The following AFF2 variants were observed in gnomAD, a reference collection of about 807,000 sequenced individuals.
The protein encoded by AFF2 is ALF transcription elongation factor 2, also known as AF4/FMR2 family member 2.
AFF2 carries 14 observed loss-of-function variants against 76.9 expected under a neutral mutation model. The ratio of observed to expected loss-of-function variants is 0.18; its 90% CI spans 0.12 to 0.28. AFF2 has a LOEUF of 0.28. AFF2 is among the 10% of genes least tolerant of loss of function. The pLI, the probability that AFF2 is intolerant of heterozygous loss-of-function variation, is 1.00. For missense variants in AFF2, 868 were observed against 1,001.1 expected, an observed-to-expected ratio of 0.87 and a Z score of 1.79; for synonymous variants, 398 against 366.7, an observed-to-expected ratio of 1.09 and a Z score of -0.98.
chrX:148,605,588 T>G (rs1389368011), intron 1 of AFF2, among the ~76,000 whole-genome samples: 1 of 111,665 alleles, frequency 9.0e-6, no homozygotes, highest in Non-Finnish European at 1.9e-5. Flanking sequence ...AGTCCGGCAC[T>G]GGGGCCAGAA....
intron 1 of AFF2, among the ~76,000 whole-genome samples, chrX:148,519,099 G>A (rs1335375275): frequency 9.0e-6 from 1 of 111,339 alleles, no homozygotes; most frequent in Non-Finnish European, 1.9e-5. Context: ...GCCTCCTATT[G>A]TCATTTTAAT....
At chrX:148,882,376 A>T (rs1280667229) in intron 7 of AFF2, among the ~76,000 whole-genome samples, 4 of 111,901 alleles carry the variant, frequency 3.6e-5, no homozygotes, top group African/African-American at 6.5e-5. Flanking sequence ...TTTATAGATT[A>T]TTCTATGTCT....
At chrX:148,528,509 G>C (rs2052690642) in intron 1 of AFF2, among the ~76,000 whole-genome samples, 1 of 110,950 alleles carries the variant, frequency 9.0e-6, no homozygotes, top group Admixed American at 9.6e-5. Flanking sequence ...TTAGACCTTT[G>C]ACAAACTCCT....
At chrX:148,607,980 T>C (rs1364284555) in intron 1 of AFF2, among the ~76,000 whole-genome samples, 3 of 112,041 alleles carry the variant, frequency 2.7e-5, no homozygotes, top group Admixed American at 9.5e-5. Context: ...TACCTTGCCA[T>C]ATTCAGAACT....
intron 3 of AFF2, among the ~76,000 whole-genome samples, chrX:148,782,088 A>C (rs782709835): frequency 9.1e-6 from 1 of 110,074 alleles, no homozygotes; most frequent in Non-Finnish European, 1.9e-5. Flanking sequence ...TGCCTTCTGC[A>C]TTGGTCTCGC....
chrX:148,825,158 C>T (rs1256448982), intron 4 of AFF2, among the ~76,000 whole-genome samples: 1 of 111,633 alleles, frequency 9.0e-6, no homozygotes, highest in African/African-American at 3.3e-5. Flanking sequence ...TTTGTTCCTG[C>T]TACATGATTG....
intron 1 of AFF2, among the ~76,000 whole-genome samples, chrX:148,569,492 T>C (rs2053204871): frequency 9.0e-6 from 1 of 111,724 alleles, no homozygotes; most frequent in Non-Finnish European, 1.9e-5. Context: ...GTAAGAAATA[T>C]GCCATATTTT....
At position 148,662,492 on chromosome X, in the gene AFF2, T is replaced by G. The variant is rs2124469143; in HGVS notation, c.765T>G (p.Ala255=). Reference sequence around the variant, plus strand: ...AAGCGCCTGGGTCTCCCCTAGTGGCTTCCTCTTTATTAGCTCCTAGCAGTG... The same window carrying G: ...AAGCGCCTGGGTCTCCCCTAGTGGCGTCCTCTTTATTAGCTCCTAGCAGTG... ...AVQAPGSPLV[A]SSLLAPSSGL... is the part of the protein sequence containing the mutation. The change falls in exon 3 of 21, where the codon GCT becomes GCG. Residue 255 remains alanine (A), a synonymous_variant. Coordinates refer to ENST00000370460, the MANE Select transcript of AFF2 (RefSeq NM_002025.4). The G allele has an allele frequency of 8.3e-7, 1 of 1,212,048 alleles. No individual in the cohort carries two copies. Among genetic ancestry groups the G allele is most frequent in the East Asian group, 3.0e-5 (1 of 33,872 alleles).
intron 1 of AFF2, among the ~76,000 whole-genome samples, chrX:148,504,376 G>A (rs1161560231): frequency 8.9e-6 from 1 of 112,041 alleles, no homozygotes; most frequent in African/African-American, 3.2e-5. Flanking sequence ...GAAAACCACC[G>A]TGATAGCAAA....
At chrX:148,543,507 A>C (rs1338502088) in intron 1 of AFF2, among the ~76,000 whole-genome samples, 1 of 111,160 alleles carries the variant, frequency 9.0e-6, no homozygotes, top group Non-Finnish European at 1.9e-5. Flanking sequence ...CTGAAAAACA[A>C]AGTGACTTGC....
At chrX:148,933,820 G>A (rs1290302360) in intron 9 of AFF2, among the ~76,000 whole-genome samples, 1 of 111,909 alleles carries the variant, frequency 8.9e-6, no homozygotes, top group Non-Finnish European at 1.9e-5. Flanking sequence ...GTGGGAGAAT[G>A]TTAGCTGCTT....
intron 3 of AFF2, among the ~76,000 whole-genome samples, chrX:148,796,761 A>C (rs1457308097): frequency 2.7e-5 from 3 of 111,875 alleles, no homozygotes; most frequent in African/African-American, 9.8e-5. Flanking sequence ...AGGAACAATT[A>C]TGTTTTTTTC....
chrX:148,967,623 A>C lies in AFF2; in HGVS notation c.3204-6A>C. ...GTTTCTGAAAGAGCTTGTTTTGTTT[A>C]TTTAGGGTTCACAATGCTGATTATT... On this transcript the variant is annotated splice_polypyrimidine_tract_variant and splice_region_variant and intron_variant, in intron 14 of 20. Transcript: ENST00000370460. The C allele has an allele frequency of 8.3e-7, 1 of 1,205,711 alleles. No homozygotes were observed. The highest frequency in any genetic ancestry group is 1.1e-6 in the Non-Finnish European group (1 of 890,869).
intron 3 of AFF2, among the ~76,000 whole-genome samples, chrX:148,707,269 G>A (rs188881229): frequency 9.3e-4 from 103 of 110,941 alleles, no homozygotes; most frequent in Non-Finnish European, 1.5e-3. Context: ...AGTTGAAATC[G>A]TTCTGCTTGC....
At chrX:148,803,649 G>T (rs1432492041) in intron 3 of AFF2, among the ~76,000 whole-genome samples, 1 of 111,677 alleles carries the variant, frequency 9.0e-6, no homozygotes, top group Non-Finnish European at 1.9e-5. Flanking sequence ...CCAAATAAAT[G>T]AACAGTGAGT....
intron 9 of AFF2, among the ~76,000 whole-genome samples, chrX:148,911,598 T>G (rs192847548): frequency 9.7e-4 from 109 of 112,384 alleles, no homozygotes; most frequent in Non-Finnish European, 1.7e-3. Context: ...CTGTTTAGCT[T>G]TGTCTTACCT....
intron 3 of AFF2, among the ~76,000 whole-genome samples, chrX:148,795,670 A>C (rs1377264504): frequency 2.0e-5 from 2 of 99,665 alleles, no homozygotes; most frequent in Non-Finnish European, 4.1e-5. Flanking sequence ...AGGTGTGGTG[A>C]CATGCGCCTG....
At chrX:148,549,678 A>G (rs781793829) in intron 1 of AFF2, among the ~76,000 whole-genome samples, 2 of 111,752 alleles carry the variant, frequency 1.8e-5, no homozygotes, top group Non-Finnish European at 3.8e-5. Context: ...CTGGATGATG[A>G]CAATCACAGA....
intron 3 of AFF2, among the ~76,000 whole-genome samples, chrX:148,728,820 G>T (rs1246356255): frequency 8.9e-6 from 1 of 111,995 alleles, no homozygotes; most frequent in Non-Finnish European, 1.9e-5. Context: ...TTTGAAAATG[G>T]GCACATATTA....
Sources: gnomAD v4.1 joint callset for allele counts (sites outside exome capture counted in the v4.1 genomes callset) on GRCh38, gnomAD v4.1.1 for gene constraint, MANE v1.5 for transcripts, NCBI Gene and HGNC (gene_info 2026-07-23, HGNC 2026-07-21) for gene names.